The following UNC5C variants were observed in gnomAD, a reference collection of about 807,000 sequenced individuals.
UNC5C encodes unc-5 netrin receptor C, also known as netrin receptor UNC5C.
In UNC5C, 47 loss-of-function variants were observed where a neutral mutation model predicts 99.8. The ratio of observed to expected loss-of-function variants is 0.47; its 90% CI spans 0.37 to 0.60. UNC5C has a LOEUF of 0.60. Ranked by LOEUF, UNC5C falls within the 20% of genes least tolerant of loss-of-function variation. The pLI is 0.00. For missense variants in UNC5C, 1,062 were observed against 1,165.9 expected, an observed-to-expected ratio of 0.91 and a Z score of 1.30; for synonymous variants, 487 against 452.2, an observed-to-expected ratio of 1.08 and a Z score of -0.98.
chr4:95,349,572 GC>G (rs1280713091), intron 1 of UNC5C, among the ~76,000 whole-genome samples: 1 of 151,058 alleles, frequency 6.6e-6, no homozygotes, highest in Admixed American at 6.6e-5. Context: ...TGCTTTTTGA[GC>G]TTTTATTCAA....
At chr4:95,521,982 GA>G (rs1444299671) in intron 1 of UNC5C, among the ~76,000 whole-genome samples, 11 of 151,996 alleles carry the variant, frequency 7.2e-5, no homozygotes, top group Admixed American at 7.2e-4. Flanking sequence ...ATAAATGTCA[GA>G]AATGTGCATT....
intron 1 of UNC5C, among the ~76,000 whole-genome samples, chr4:95,519,780 C>T (rs570292876): frequency 2.0e-5 from 3 of 152,306 alleles, no homozygotes; most frequent in African/African-American, 7.2e-5. Context: ...CTCCCACTGT[C>T]TGCCCTACTT....
At chr4:95,536,564 G>A (rs1722788494) in intron 1 of UNC5C, among the ~76,000 whole-genome samples, 1 of 152,046 alleles carries the variant, frequency 6.6e-6, no homozygotes, top group African/African-American at 2.4e-5. Flanking sequence ...ACATAATTCA[G>A]TTTCATAATA....
At chr4:95,424,502 A>ATTTTTTTTTTTTTT (rs202226117) in intron 1 of UNC5C, among the ~76,000 whole-genome samples, 1 of 95,844 alleles carries the variant, frequency 1.0e-5, no homozygotes, top group East Asian at 5.1e-4. Flanking sequence ...GGGCTTCAGA[A>ATTTTTTTTTTTTTT]TTTTTTTTTT....
At chr4:95,250,163 A>T (rs1049045234) in intron 5 of UNC5C, among the ~76,000 whole-genome samples, 1 of 152,162 alleles carries the variant, frequency 6.6e-6, no homozygotes, top group African/African-American at 2.4e-5. Flanking sequence ...GTACGAGGAA[A>T]GCAATTAAAC....
chr4:95,292,328 A>G lies in UNC5C; in HGVS notation c.490+9278T>C, dbSNP rs574431194. Among the ~76,000 whole-genome samples the G allele has an allele frequency of 2.8e-4, 42 of 149,154 alleles. No individual in the cohort carries two copies. In the South Asian group the frequency reaches 8.3e-3, roughly 29 times the overall value. On this transcript the variant is annotated intron_variant, in intron 3 of 15. Coordinates refer to ENST00000453304, the MANE Select transcript of UNC5C (RefSeq NM_003728.4). The stretch of plus-strand genomic sequence containing the variant: ...TCTGTCACCCAGGCTGGAGTGCAGT[A>G]GTGCGATCTCAGCTCACCGCAAGCT...
intron 3 of UNC5C, among the ~76,000 whole-genome samples, chr4:95,292,214 TATACAC>T (rs1271659116): frequency 9.4e-6 from 1 of 106,936 alleles, no homozygotes; most frequent in East Asian, 3.0e-4. Context: ...TATACATATA[TATACAC>T]ACACACACAC....
At chr4:95,301,925 T>C (rs1267059789) in intron 2 of UNC5C, among the ~76,000 whole-genome samples, 176 bp from the exon 3 acceptor site, 2 of 152,220 alleles carry the variant, frequency 1.3e-5, no homozygotes, top group Non-Finnish European at 2.9e-5. Context: ...ACTCAACAAC[T>C]TTTTCATTCT....
At chr4:95,215,854 T>C (rs1738228869) in intron 10 of UNC5C, among the ~76,000 whole-genome samples, 1 of 152,184 alleles carries the variant, frequency 6.6e-6, no homozygotes, top group Non-Finnish European at 1.5e-5. Flanking sequence ...AGGGATCACA[T>C]TTCTGGACAT....
At position 95,206,705 on chromosome 4, in the gene UNC5C, T is replaced by A; in HGVS notation, c.1825A>T (p.Met609Leu). Reference sequence around the variant, plus strand: ...GTATTGGGGTCTGCGCAGTGATGCATAGTGAGGACGACTGGGCGGGTGAGC... The same window carrying A: ...GTATTGGGGTCTGCGCAGTGATGCAAAGTGAGGACGACTGGGCGGGTGAGC... ...ALLTRPVVLTMHHCADPNTED... is the reference protein window; with the variant it reads ...ALLTRPVVLTLHHCADPNTED... Residue 609 changes from methionine (M) to leucine (L), a missense_variant, in exon 11 of 16, where the codon ATG (methionine) becomes TTG (leucine). By Grantham distance (15) the Met-to-Leu change is conservative. This residue lies in a region of UNC5C where 810 missense variants were observed against 854.5 expected (regional missense o/e 0.95). Coordinates refer to ENST00000453304, the MANE Select transcript of UNC5C (RefSeq NM_003728.4). The A allele has an allele frequency of 6.2e-7, 1 of 1,614,038 alleles. No individual in the cohort carries two copies. The highest frequency in any genetic ancestry group is 8.5e-7 in the Non-Finnish European group (1 of 1,180,006).
chr4:95,235,648 A>G (rs529522252), intron 7 of UNC5C, among the ~76,000 whole-genome samples: 16 of 152,250 alleles, frequency 1.1e-4, no homozygotes, highest in African/African-American at 3.1e-4. Flanking sequence ...TCCATCTTGA[A>G]TTAATTTTTG....
At chr4:95,468,728 G>C (rs1303196619) in intron 1 of UNC5C, among the ~76,000 whole-genome samples, 1 of 152,102 alleles carries the variant, frequency 6.6e-6, no homozygotes, top group East Asian at 1.9e-4. Flanking sequence ...GAGCCTTAAA[G>C]GTCTTAATGA....
chr4:95,537,389 T>C (rs1191647290), intron 1 of UNC5C, among the ~76,000 whole-genome samples: 1 of 152,074 alleles, frequency 6.6e-6, no homozygotes, highest in African/African-American at 2.4e-5. Context: ...GGCGTGGAGG[T>C]TCTCGTAATA....
At chr4:95,503,914 T>C (rs992219305) in intron 1 of UNC5C, among the ~76,000 whole-genome samples, 1 of 152,282 alleles carries the variant, frequency 6.6e-6, no homozygotes, top group East Asian at 1.9e-4. Context: ...CAAATTCTAG[T>C]TTCAGAATTC....
chr4:95,387,841 C>T (rs575884531), intron 1 of UNC5C, among the ~76,000 whole-genome samples: 3 of 152,258 alleles, frequency 2.0e-5, no homozygotes, highest in Admixed American at 6.5e-5. Flanking sequence ...TCAGTGGAAA[C>T]TGTCTAAATG....
At chr4:95,530,464 A>G (rs567687635) in intron 1 of UNC5C, among the ~76,000 whole-genome samples, 1 of 152,330 alleles carries the variant, frequency 6.6e-6, no homozygotes, top group East Asian at 1.9e-4. Flanking sequence ...AAGAAAGAAA[A>G]ATAAAATTCT....
chr4:95,324,483 G>GAACCATCCCTA (rs1389449546), intron 2 of UNC5C, among the ~76,000 whole-genome samples: 1 of 152,102 alleles, frequency 6.6e-6, no homozygotes, highest in Non-Finnish European at 1.5e-5. Flanking sequence ...TAATGTACTT[G>GAACCATCCCTA]AATCATCCCT....
intron 14 of UNC5C, among the ~76,000 whole-genome samples, chr4:95,181,707 A>G (rs1736619655): frequency 6.6e-6 from 1 of 152,120 alleles, no homozygotes; most frequent in South Asian, 2.1e-4. Context: ...AAAGTTGTTT[A>G]TGAGTCAAAA....
intron 1 of UNC5C, among the ~76,000 whole-genome samples, chr4:95,519,362 G>A (rs1389117105): frequency 6.6e-6 from 1 of 151,996 alleles, no homozygotes; most frequent in Non-Finnish European, 1.5e-5. Context: ...ACACCACTCT[G>A]ATCATTCCAG....
Sources: allele counts gnomAD v4.1 joint callset (sites outside exome capture counted in the v4.1 genomes callset), GRCh38; gene constraint gnomAD v4.1.1; regional missense constraint gnomAD v4.1.1; transcripts MANE v1.5; gene names NCBI Gene and HGNC (gene_info 2026-07-23, HGNC 2026-07-21).